PJA2: variants seen among roughly 807,000 people sequenced by gnomAD.
PJA2 encodes E3 ubiquitin-protein ligase Praja-2.
A neutral mutation model predicts 69.3 loss-of-function variants in PJA2; 25 were observed. The ratio of observed to expected loss-of-function variants is 0.36; its 90% confidence interval spans 0.26 to 0.50. The LOEUF is 0.50. Among genes scored for constraint, PJA2 ranks in the 20% least tolerant of loss-of-function variants. PJA2 has a pLI of 0.96. For synonymous variants in PJA2, 308 were observed against 277.8 expected (o/e 1.11, Z -1.08); for missense variants, 809 against 830.2 (o/e 0.97, Z 0.31).
At chr5:109,344,848 T>C (rs772908875) in intron 7 of PJA2, 29 bp from the exon 8 acceptor site, 1 of 1,423,004 alleles carries the variant, frequency 7.0e-7, no homozygotes, top group South Asian at 1.2e-5. Flanking sequence ...AGTTCTTTGT[T>C]AGAAATACTT....
intron 1 of PJA2, among the ~76,000 whole-genome samples, chr5:109,390,969 A>G (rs1200518110): frequency 1.3e-5 from 2 of 152,126 alleles, no homozygotes; most frequent in East Asian, 1.9e-4. Flanking sequence ...TGTAACCTAC[A>G]CTCTTACTGT....
At chr5:109,353,799 GAGAT>G (rs1177240560) in intron 7 of PJA2, among the ~76,000 whole-genome samples, 9 of 133,114 alleles carry the variant, frequency 6.8e-5, no homozygotes, top group African/African-American at 2.4e-4. Flanking sequence ...ATGATATCTA[GAGAT>G]ATCTATAGAT....
intron 6 of PJA2, among the ~76,000 whole-genome samples, chr5:109,360,017 G>A (rs560550912): frequency 3.9e-5 from 6 of 152,226 alleles, no homozygotes; most frequent in African/African-American, 9.6e-5. Flanking sequence ...TAACACAAAC[G>A]TGGTTTTAAA....
At chr5:109,359,450 A>G (rs1351030319) in intron 6 of PJA2, among the ~76,000 whole-genome samples, 1 of 152,202 alleles carries the variant, frequency 6.6e-6, no homozygotes, top group Non-Finnish European at 1.5e-5. Context: ...AGATAACACC[A>G]TAACCAAATC....
At position 109,370,249 on chromosome 5, in the gene PJA2, C is replaced by T. The variant is rs184346669; in HGVS notation, c.1284-1503G>A. On this transcript the variant is annotated intron_variant, in intron 4 of 9. Transcript: ENST00000361189. ...AAGAATCTCCTCAAAGATCTCTCTA[C>T]GTTCACTAGACTTGGAAAATCAAAA... Among the ~76,000 whole-genome samples, 708 of 152,180 alleles carry T rather than the reference C, an allele frequency of 4.7e-3. 10 individuals are homozygous for T. Among genetic ancestry groups the T allele is most frequent in the African/African-American group, 0.016 (679 of 41,524 alleles).
chr5:109,360,496 C>T (rs189713494), intron 6 of PJA2, among the ~76,000 whole-genome samples: 44 of 152,232 alleles, frequency 2.9e-4, no homozygotes, highest in Middle Eastern at 3.4e-3. Context: ...ACTTTAGAGA[C>T]AAGAACTGCT....
intron 1 of PJA2, among the ~76,000 whole-genome samples, chr5:109,404,474 C>A (rs1747635767): frequency 6.6e-6 from 1 of 151,892 alleles, no homozygotes; most frequent in Non-Finnish European, 1.5e-5. Flanking sequence ...GCTGAGACTG[C>A]CACTGCACTC....
At chr5:109,370,032 CAAA>C (rs1168528650) in intron 4 of PJA2, among the ~76,000 whole-genome samples, 3,390 of 48,812 alleles carry the variant, frequency 0.069, 33 homozygotes, top group Non-Finnish European at 0.11. Flanking sequence ...AACTCCCTCT[CAAA>C]AAAAAAAAAA....
intron 4 of PJA2, among the ~76,000 whole-genome samples, chr5:109,369,731 CA>C (rs2127002148): frequency 6.6e-6 from 1 of 152,180 alleles, no homozygotes; most frequent in East Asian, 1.9e-4. Context: ...ACTGTGAATA[CA>C]AAATAAATTT....
intron 7 of PJA2, among the ~76,000 whole-genome samples, chr5:109,353,305 T>C (rs1762304140): frequency 7.4e-6 from 1 of 135,566 alleles, no homozygotes; most frequent in South Asian, 2.3e-4. Flanking sequence ...TAGATATCTA[T>C]AATATCTATA....
chr5:109,386,268 T>A (rs914494384), intron 1 of PJA2, among the ~76,000 whole-genome samples: 1 of 152,110 alleles, frequency 6.6e-6, no homozygotes, highest in African/African-American at 2.4e-5. Context: ...GAAGAAAGTG[T>A]TTTAGGCAGA....
chr5:109,356,056 C>A (rs184603739), intron 6 of PJA2, 30 bp from the exon 7 acceptor site: 3 of 1,447,042 alleles, frequency 2.1e-6, no homozygotes, highest in Admixed American at 1.7e-5. Context: ...ACAGAAAAAA[C>A]TCACCACTAT....
At position 109,353,740 on chromosome 5, in the gene PJA2, C is replaced by CTAGATTAGATATCTATGATATCTA. The variant is rs1561345310; in HGVS notation, c.1764+2151_1764+2174dup. Reference sequence around the variant, plus strand: ...ATATTAGATACCTATATCTAGATATCTAGATTAGATATCTATGATATCTAG... The same window carrying CTAGATTAGATATCTATGATATCTA: ...ATATTAGATACCTATATCTAGATATCTAGATTAGATATCTATGATATCTATAGATTAGATATCTATGATATCTAG... On this transcript the variant is annotated intron_variant, in intron 7 of 9. Coordinates refer to ENST00000361189, the MANE Select transcript of PJA2 (RefSeq NM_014819.5). Among the ~76,000 whole-genome samples, 129 of 118,486 alleles carry CTAGATTAGATATCTATGATATCTA rather than the reference C, an allele frequency of 1.1e-3. 2 individuals are homozygous for CTAGATTAGATATCTATGATATCTA. The highest frequency in any genetic ancestry group is 4.5e-3 in the African/African-American group (127 of 28,468). The allele number at this position is 118,486 out of a possible 152,430, so 77.7% of individuals were successfully genotyped here.
chr5:109,354,356 TC>T (rs1762361962), intron 7 of PJA2, among the ~76,000 whole-genome samples: 1 of 138,636 alleles, frequency 7.2e-6, no homozygotes, highest in South Asian at 2.2e-4. Flanking sequence ...AGATTGGATA[TC>T]TATATCTAGA....
intron 1 of PJA2, among the ~76,000 whole-genome samples, chr5:109,392,111 T>C (rs549349473): frequency 3.9e-5 from 6 of 152,218 alleles, no homozygotes; most frequent in African/African-American, 1.2e-4. Flanking sequence ...AAAATGTAAA[T>C]AGGAGTGTAA....
rs750179698 is a variant in PJA2, at chr5:109,348,020, G to A, written c.1765-3201C>T. 2.6e-5 allele frequency among the ~76,000 whole-genome samples: 4 copies of A among 152,182 alleles called. No homozygotes were observed. The East Asian group carries it at 7.7e-4, about 29-fold the overall frequency. On this transcript the variant is annotated intron_variant, in intron 7 of 9. Coordinates refer to ENST00000361189, the MANE Select transcript of PJA2 (RefSeq NM_014819.5). ...GTTTGGTTACACCTGTTGAGCTTGA[G>A]CTCAGTGTTGAGCTCCTTGCCAATG... is the stretch of plus-strand genomic sequence containing the variant.
intron 7 of PJA2, among the ~76,000 whole-genome samples, chr5:109,353,266 T>C (rs1762302320): frequency 7.1e-6 from 1 of 141,498 alleles, no homozygotes; most frequent in African/African-American, 2.5e-5. Flanking sequence ...ATATATTAGA[T>C]ACCTATAATA....
At chr5:109,367,139 A>AT (rs1445608550) in intron 5 of PJA2, among the ~76,000 whole-genome samples, 2 of 144,986 alleles carry the variant, frequency 1.4e-5, no homozygotes, top group African/African-American at 2.5e-5. Flanking sequence ...GTCTCAAAAA[A>AT]AAAAATATAT....
At chr5:109,357,507 C>A (rs1297227849) in intron 6 of PJA2, among the ~76,000 whole-genome samples, 1 of 152,152 alleles carries the variant, frequency 6.6e-6, no homozygotes, top group Non-Finnish European at 1.5e-5. Flanking sequence ...ATCCATCCAC[C>A]CTTGAAATAC....
Sources: allele counts gnomAD v4.1 joint callset (sites outside exome capture counted in the v4.1 genomes callset), GRCh38; gene constraint gnomAD v4.1.1; transcripts MANE v1.5; gene names NCBI Gene and HGNC (gene_info 2026-07-23, HGNC 2026-07-21).